The following HCN1 variants were observed in gnomAD, a reference collection of about 807,000 sequenced individuals.
The protein encoded by HCN1 is hyperpolarization activated cyclic nucleotide gated potassium channel 1, also known as potassium/sodium hyperpolarization-activated cyclic nucleotide-gated channel 1.
Under a neutral mutation model 78.9 loss-of-function variants are expected in HCN1, and 13 were observed. That is an observed-to-expected ratio of 0.16 (90% CI 0.11 to 0.26). The LOEUF (loss-of-function observed/expected upper bound fraction) is 0.26. HCN1 is among the 10% of genes least tolerant of loss of function. The probability of loss-of-function intolerance (pLI) is 1.00; values close to 1 mark genes in which losing one functional copy is unlikely to be tolerated. For synonymous variants in HCN1, 552 were observed against 455.5 expected (o/e 1.21, Z -2.70); for missense variants, 810 against 1,154.3 (o/e 0.70, Z 4.32).
chr5:45,565,639 A>T (rs187358654), intron 2 of HCN1, among the ~76,000 whole-genome samples: 1 of 152,178 alleles, frequency 6.6e-6, no homozygotes, highest in East Asian at 1.9e-4. Context: ...CCTGGGCAAC[A>T]TAGAGAGACC....
intron 2 of HCN1, among the ~76,000 whole-genome samples, chr5:45,537,300 A>G (rs1386275562): frequency 6.6e-6 from 1 of 152,108 alleles, no homozygotes; most frequent in Non-Finnish European, 1.5e-5. Context: ...GTTATCTGCT[A>G]AAGTTTTACC....
intron 1 of HCN1, among the ~76,000 whole-genome samples, chr5:45,663,723 G>C (rs1359569693): frequency 1.3e-5 from 2 of 151,938 alleles, no homozygotes; most frequent in Admixed American, 1.3e-4. Flanking sequence ...ATCATCACTG[G>C]CCATCAGAGA....
At chr5:45,404,448 T>A (rs762237508) in intron 3 of HCN1, among the ~76,000 whole-genome samples, 1 of 151,986 alleles carries the variant, frequency 6.6e-6, no homozygotes. Flanking sequence ...GTTTTTGTTA[T>A]TAAAAGTGTT....
At chr5:45,283,789 G>A (rs922574956) in intron 6 of HCN1, among the ~76,000 whole-genome samples, 9 of 152,076 alleles carry the variant, frequency 5.9e-5, no homozygotes, top group African/African-American at 9.7e-5. Flanking sequence ...TCCCATTACC[G>A]CATATACACC....
chr5:45,338,485 A>G (rs759889018), intron 5 of HCN1, among the ~76,000 whole-genome samples: 1 of 152,140 alleles, frequency 6.6e-6, no homozygotes, highest in Non-Finnish European at 1.5e-5. Context: ...ACACATTTTA[A>G]TATTTTTATC....
intron 2 of HCN1, among the ~76,000 whole-genome samples, chr5:45,482,324 C>T (rs1433916346): frequency 6.6e-6 from 1 of 152,114 alleles, no homozygotes; most frequent in African/African-American, 2.4e-5. Flanking sequence ...TCCACCTGTC[C>T]AATTCTTTCA....
intron 2 of HCN1, among the ~76,000 whole-genome samples, chr5:45,569,530 T>C (rs914860908): frequency 6.6e-6 from 1 of 152,074 alleles, no homozygotes; most frequent in Non-Finnish European, 1.5e-5. Context: ...CATTTCACCA[T>C]GTTTAGAGTT....
chr5:45,659,124 C>T (rs1368982334), intron 1 of HCN1, among the ~76,000 whole-genome samples: 1 of 151,882 alleles, frequency 6.6e-6, no homozygotes, highest in Admixed American at 6.6e-5. Context: ...GGCAGACTGC[C>T]TCCTCAAGTG....
intron 1 of HCN1, among the ~76,000 whole-genome samples, chr5:45,666,077 C>T (rs749750887): frequency 8.9e-4 from 135 of 152,034 alleles, no homozygotes; most frequent in Non-Finnish European, 1.7e-3. Flanking sequence ...CATAATCCCA[C>T]GGTCTCTGAG....
chr5:45,695,486 C>T (rs528960270), intron 1 of HCN1, among the ~76,000 whole-genome samples, 183 bp downstream of exon 1: 1 of 152,260 alleles, frequency 6.6e-6, no homozygotes, highest in South Asian at 2.1e-4. Context: ...TCCTCCGAGC[C>T]CCTCCTGGGT....
chr5:45,659,014 CAA>C (rs994635308), intron 1 of HCN1, among the ~76,000 whole-genome samples: 2 of 150,918 alleles, frequency 1.3e-5, no homozygotes, highest in African/African-American at 4.9e-5. Flanking sequence ...CACAGACAAA[CAA>C]AAAGACAGCA....
rs544968619 is a variant in HCN1 at position 45,522,893 on chromosome 5, A to G, written c.850-60886T>C. 1.8e-3 allele frequency among the ~76,000 whole-genome samples: 271 copies of G among 151,952 alleles called. 1 individual carries two copies. The highest frequency in any genetic ancestry group is 6.2e-3 in the African/African-American group (258 of 41,432). On this transcript the variant is annotated intron_variant, in intron 2 of 7. Coordinates refer to ENST00000303230, the MANE Select transcript of HCN1 (RefSeq NM_021072.4). ...ATTACTATACTTTAAGTTTTAGGGT[A>G]CATGTGCACAATGTGCAGGTTAGTT...
At chr5:45,282,959 T>C (rs16900206) in intron 6 of HCN1, among the ~76,000 whole-genome samples, 1,874 of 152,264 alleles carry the variant, frequency 0.012, 49 homozygotes, top group African/African-American at 0.043. Context: ...TTTTAAATCA[T>C]CAGTAATAAA....
intron 1 of HCN1, among the ~76,000 whole-genome samples, chr5:45,669,013 G>C (rs981717243): frequency 2.0e-5 from 3 of 151,736 alleles, no homozygotes; most frequent in African/African-American, 7.3e-5. Flanking sequence ...CTCATATTTA[G>C]TATACCTAGA....
At chr5:45,516,717 G>A (rs1742522869) in intron 2 of HCN1, among the ~76,000 whole-genome samples, 1 of 151,860 alleles carries the variant, frequency 6.6e-6, no homozygotes, top group African/African-American at 2.4e-5. Context: ...AAAGCTAATT[G>A]TGTCTCTGAA....
At chr5:45,288,293 T>C (rs1280937991) in intron 6 of HCN1, among the ~76,000 whole-genome samples, 1 of 152,050 alleles carries the variant, frequency 6.6e-6, no homozygotes, top group South Asian at 2.1e-4. Flanking sequence ...TGCTTGGCCT[T>C]GAAAACACTC....
intron 5 of HCN1, among the ~76,000 whole-genome samples, chr5:45,316,407 C>T (rs542755399): frequency 5.3e-5 from 8 of 152,198 alleles, no homozygotes; most frequent in South Asian, 4.2e-4. Flanking sequence ...ACTGATGGGA[C>T]GTATTTCAAA....
intron 5 of HCN1, among the ~76,000 whole-genome samples, chr5:45,325,786 G>A (rs1324193513): frequency 6.6e-6 from 1 of 151,446 alleles, no homozygotes; most frequent in Non-Finnish European, 1.5e-5. Flanking sequence ...TAATTTTAAA[G>A]GATTTCCCAT....
chr5:45,593,338 T>TCACA (rs1491518338), intron 2 of HCN1, among the ~76,000 whole-genome samples: 56 of 120,178 alleles, frequency 4.7e-4, no homozygotes, highest in Middle Eastern at 4.8e-3. Context: ...TCTCTCTCTC[T>TCACA]CTCACACACA....
Sources: allele counts gnomAD v4.1 joint callset (sites outside exome capture counted in the v4.1 genomes callset), GRCh38; gene constraint gnomAD v4.1.1; transcripts MANE v1.5; gene names NCBI Gene and HGNC (gene_info 2026-07-23, HGNC 2026-07-21).